The following UBE2E2 variants were observed in gnomAD, a reference collection of about 807,000 sequenced individuals.
The protein encoded by UBE2E2 is ubiquitin conjugating enzyme E2 E2.
UBE2E2 carries 6 observed loss-of-function variants against 24.7 expected under a neutral mutation model. The ratio of observed to expected loss-of-function variants is 0.24; its 90% confidence interval spans 0.13 to 0.48. The LOEUF (loss-of-function observed/expected upper bound fraction) is 0.48, where lower values mean the gene tolerates loss of function less well. UBE2E2 is among the 20% of genes least tolerant of loss of function. UBE2E2 has a pLI of 0.99. For synonymous variants in UBE2E2, 104 were observed against 83.6 expected, an observed-to-expected ratio of 1.24 and a Z score of -1.33; for missense variants, 169 against 245.0, an observed-to-expected ratio of 0.69 and a Z score of 2.07.
chr3:23,423,703 C>G (rs1697856594), intron 3 of UBE2E2, among the ~76,000 whole-genome samples: 1 of 152,124 alleles, frequency 6.6e-6, no homozygotes, highest in African/African-American at 2.4e-5. Flanking sequence ...AATACCTATA[C>G]TGGAATATAA....
intron 3 of UBE2E2, among the ~76,000 whole-genome samples, chr3:23,443,370 T>A (rs1212346769): frequency 2.6e-5 from 4 of 152,206 alleles, no homozygotes; most frequent in Non-Finnish European, 5.9e-5. Context: ...GAATATGGTT[T>A]GGTAGGGGTG....
At chr3:23,310,746 A>G (rs1016152260) in intron 3 of UBE2E2, among the ~76,000 whole-genome samples, 12 of 152,304 alleles carry the variant, frequency 7.9e-5, no homozygotes, top group African/African-American at 2.6e-4. Flanking sequence ...ATGCATGCAT[A>G]CTCATACACA....
At chr3:23,256,317 C>T (rs1477445017) in intron 3 of UBE2E2, among the ~76,000 whole-genome samples, 1 of 152,140 alleles carries the variant, frequency 6.6e-6, no homozygotes, top group Non-Finnish European at 1.5e-5. Flanking sequence ...GCCATTTGTA[C>T]ATCTAAGTAA....
chr3:23,203,378 C>T lies in UBE2E2; in HGVS notation c.-95C>T, dbSNP rs934408858. 1 of 985,874 alleles carries T rather than the reference C, an allele frequency of 1.0e-6. No homozygotes were observed. Among genetic ancestry groups the T allele is most frequent in the Non-Finnish European group, 1.2e-6 (1 of 830,360 alleles). 61.1% of individuals were successfully genotyped at this position (985,874 alleles called of 1,614,324 possible). A position where few individuals can be genotyped will look rare whatever the true frequency, so the allele number is the denominator to read the frequency against. On this transcript the variant is annotated 5_prime_UTR_variant, in exon 1 of 6. Coordinates refer to ENST00000396703, the MANE Select transcript of UBE2E2 (RefSeq NM_152653.4). ...GGGGACATCCCGTCCCTGGGGCCTC[C>T]CCAGTCTCCCTCCCCCTCGCGCCTG...
At position 23,296,630 on chromosome 3, in the gene UBE2E2, A is replaced by G. The variant is rs183158539; in HGVS notation, c.227+79318A>G. ...AGCTTCATCCATGTCCCTGCAAAGG[A>G]CATGAACTCATCCTTTTTTATGGCT... On this transcript the variant is annotated intron_variant, in intron 3 of 5. Transcript: ENST00000396703. Among the ~76,000 whole-genome samples, 6 of 152,336 alleles carry G rather than the reference A, an allele frequency of 3.9e-5. No individual in the cohort carries two copies. In the East Asian group the frequency reaches 7.7e-4, roughly 20 times the overall value.
chr3:23,209,164 G>GT lies in UBE2E2; in HGVS notation c.176+292dup, dbSNP rs539253049. On this transcript the variant is annotated intron_variant, in intron 2 of 5. Coordinates refer to ENST00000396703, the MANE Select transcript of UBE2E2 (RefSeq NM_152653.4). ...AGGGTGTGTATGTAAAATTGCAGTAGTTTCATTTATGGTTACTTGACCATA... is the reference window on the plus strand; with the variant it reads ...AGGGTGTGTATGTAAAATTGCAGTAGTTTTCATTTATGGTTACTTGACCATA... 5.9e-5 allele frequency among the ~76,000 whole-genome samples: 9 copies of GT among 152,186 alleles called. No individual in the cohort carries two copies. In the East Asian group the frequency reaches 1.7e-3, roughly 29 times the overall value.
intron 2 of UBE2E2, among the ~76,000 whole-genome samples, chr3:23,212,024 T>C (rs376342301): frequency 6.6e-6 from 1 of 152,218 alleles, no homozygotes; most frequent in Admixed American, 6.5e-5. Context: ...TTAGGAAAAG[T>C]GCTTGCACGT....
chr3:23,579,794 C>G lies in UBE2E2; in HGVS notation c.509-9940C>G, dbSNP rs1471029552. Among the ~76,000 whole-genome samples, 3 of 152,082 alleles carry G rather than the reference C, an allele frequency of 2.0e-5. No individual in the cohort carries two copies. In the East Asian group the frequency reaches 5.8e-4, roughly 29 times the overall value. On this transcript the variant is annotated intron_variant, in intron 5 of 5. Coordinates refer to ENST00000396703, the MANE Select transcript of UBE2E2 (RefSeq NM_152653.4). Reference sequence around the variant, plus strand: ...GATCTGACCAAGGTAAATTGAAAACCTTGTGTAAAGGATTCACCATTCTGT... The same window carrying G: ...GATCTGACCAAGGTAAATTGAAAACGTTGTGTAAAGGATTCACCATTCTGT...
intron 3 of UBE2E2, among the ~76,000 whole-genome samples, chr3:23,237,523 A>G (rs1415981215): frequency 6.6e-6 from 1 of 152,166 alleles, no homozygotes; most frequent in Admixed American, 6.5e-5. Flanking sequence ...GTATTAGTAA[A>G]AGGAAGATGA....
intron 5 of UBE2E2, among the ~76,000 whole-genome samples, chr3:23,576,053 T>C (rs1258345231): frequency 1.3e-5 from 2 of 152,172 alleles, no homozygotes; most frequent in East Asian, 3.8e-4. Context: ...CCATTAACTG[T>C]AGTTGCCTCA....
rs745567865 is a variant in UBE2E2 at position 23,399,270 on chromosome 3, C to A, written c.228-100338C>A. ...CTTCTCTTTGGCATATTTAAATTGC[C>A]AGCATCATTTGCACTTTGGGGCTAT... is the stretch of plus-strand genomic sequence containing the variant. On this transcript the variant is annotated intron_variant, in intron 3 of 5. Coordinates refer to ENST00000396703, the MANE Select transcript of UBE2E2 (RefSeq NM_152653.4). Among the ~76,000 whole-genome samples the A allele has an allele frequency of 8.8e-4, 134 of 152,048 alleles. 2 individuals carry two copies. The highest frequency in any genetic ancestry group is 7.2e-4 in the Admixed American group (11 of 15,274).
chr3:23,487,367 C>T (rs377401448), intron 3 of UBE2E2, among the ~76,000 whole-genome samples: 5 of 152,154 alleles, frequency 3.3e-5, no homozygotes, highest in African/African-American at 1.2e-4. Flanking sequence ...GCTGCAGCTG[C>T]GCCTAGAAGT....
At chr3:23,575,357 A>G (rs1397577623) in intron 5 of UBE2E2, among the ~76,000 whole-genome samples, 1 of 152,208 alleles carries the variant, frequency 6.6e-6, no homozygotes, top group Non-Finnish European at 1.5e-5. Context: ...TGGAAATGAC[A>G]TTGAATGAGG....
chr3:23,560,968 G>T (rs1412812835), intron 5 of UBE2E2, among the ~76,000 whole-genome samples: 2 of 152,042 alleles, frequency 1.3e-5, no homozygotes, highest in Non-Finnish European at 1.5e-5. Flanking sequence ...CTGGATATTA[G>T]ACCTTTGTCA....
intron 3 of UBE2E2, among the ~76,000 whole-genome samples, chr3:23,231,182 G>C (rs1208122779): frequency 6.6e-6 from 1 of 152,118 alleles, no homozygotes; most frequent in Non-Finnish European, 1.5e-5. Context: ...ATCAGCTTTT[G>C]TCCTCTTCAC....
At chr3:23,520,193 C>A (rs544471452) in intron 4 of UBE2E2, among the ~76,000 whole-genome samples, 1 of 150,568 alleles carries the variant, frequency 6.6e-6, no homozygotes, top group East Asian at 1.9e-4. Flanking sequence ...TCCTTATAAG[C>A]TTTTTGCTTA....
At chr3:23,260,829 G>A (rs191458227) in intron 3 of UBE2E2, among the ~76,000 whole-genome samples, 56 of 152,296 alleles carry the variant, frequency 3.7e-4, no homozygotes, top group African/African-American at 1.3e-3. Flanking sequence ...GGGGCTGGGC[G>A]TGATGGTGGC....
At chr3:23,470,742 T>TGTAAAG (rs1298014136) in intron 3 of UBE2E2, among the ~76,000 whole-genome samples, 1 of 152,224 alleles carries the variant, frequency 6.6e-6, no homozygotes, top group East Asian at 1.9e-4. Context: ...TTAATAGAAA[T>TGTAAAG]GTAAAGGAAT....
intron 3 of UBE2E2, among the ~76,000 whole-genome samples, chr3:23,355,464 T>C (rs1427871893): frequency 6.6e-6 from 1 of 151,976 alleles, no homozygotes; most frequent in African/African-American, 2.4e-5. Context: ...TAGGGAGGGG[T>C]AGAAATTTTT....
Sources: gnomAD v4.1 joint callset for allele counts (sites outside exome capture counted in the v4.1 genomes callset) on GRCh38, gnomAD v4.1.1 for gene constraint, MANE v1.5 for transcripts, NCBI Gene and HGNC (gene_info 2026-07-23, HGNC 2026-07-21) for gene names.